The following PEX7 variants were observed in gnomAD, a reference collection of about 807,000 sequenced individuals.
PEX7 encodes peroxisomal biogenesis factor 7.
A neutral mutation model predicts 47.5 loss-of-function variants in PEX7; 34 were observed. The ratio of observed to expected loss-of-function variants is 0.72; its 90% CI spans 0.54 to 0.95. The LOEUF is 0.95. PEX7 is among the 40% of genes least tolerant of loss of function. The pLI is 0.00. For synonymous variants in PEX7, 141 were observed against 148.8 expected, an observed-to-expected ratio of 0.95 and a Z score of 0.38; for missense variants, 394 against 400.3, an observed-to-expected ratio of 0.98 and a Z score of 0.13.
At chr6:136,843,192 T>C (rs1202100702) in intron 3 of PEX7, among the ~76,000 whole-genome samples, 1 of 152,214 alleles carries the variant, frequency 6.6e-6, no homozygotes, top group African/African-American at 2.4e-5. Context: ...CTTACTAGCT[T>C]TGGGACTCTG....
chr6:136,866,716 T>C lies in PEX7; in HGVS notation c.616T>C (p.Trp206Arg), dbSNP rs1421814360. The change falls in exon 6 of 10, where the codon TGG becomes CGG. Residue 206 changes from tryptophan (W) to arginine (R), a missense_variant. Transcript: ENST00000318471. ...AHQAEILSCD[W>R]CKYNENLLVT... is the part of the protein sequence containing the mutation. ...TCAGGCAGAAATCTTGAGTTGTGAC[T>C]GGTGTAAATACAATGAGGTATAGTG... 5 of 1,613,636 alleles carry C rather than the reference T, an allele frequency of 3.1e-6. No individual in the cohort carries two copies. Among genetic ancestry groups the C allele is most frequent in the Non-Finnish European group, 4.2e-6 (5 of 1,179,694 alleles).
chr6:136,864,264 GTTA>G (rs376092543), intron 5 of PEX7, among the ~76,000 whole-genome samples: 7 of 151,904 alleles, frequency 4.6e-5, no homozygotes, highest in African/African-American at 7.2e-5. Context: ...TATTCATGTT[GTTA>G]TTATTGGGGG....
chr6:136,875,736 T>C (rs1314568231), intron 8 of PEX7, among the ~76,000 whole-genome samples: 4 of 152,180 alleles, frequency 2.6e-5, no homozygotes, highest in Non-Finnish European at 4.4e-5. Flanking sequence ...CTGAGAATGG[T>C]ATGTTACTGA....
chr6:136,846,678 C>A (rs878864013), intron 5 of PEX7, among the ~76,000 whole-genome samples: 1 of 152,064 alleles, frequency 6.6e-6, no homozygotes, highest in Non-Finnish European at 1.5e-5. Flanking sequence ...TGAACTCATC[C>A]TTTTTTATGG....
At chr6:136,905,940 A>C (rs1389114186) in intron 9 of PEX7, among the ~76,000 whole-genome samples, 18 of 152,156 alleles carry the variant, frequency 1.2e-4, no homozygotes. Flanking sequence ...TGAGTTAATG[A>C]GTTATTTCTC....
intron 3 of PEX7, among the ~76,000 whole-genome samples, chr6:136,841,975 G>C (rs2115163727): frequency 6.7e-6 from 1 of 148,828 alleles, no homozygotes; most frequent in South Asian, 2.1e-4. Context: ...TTTAAACATA[G>C]TATTGAGTTG....
At chr6:136,866,830 C>T (rs1249425577) in intron 6 of PEX7, 97 bp downstream of exon 6, 7 of 1,012,690 alleles carry the variant, frequency 6.9e-6, no homozygotes, top group Admixed American at 2.0e-5. Context: ...TGGTGGTGTT[C>T]CTGGACCATT....
rs190019858 is a variant in PEX7, at chr6:136,824,598, C to T, written c.131-616C>T. 2.3e-4 allele frequency among the ~76,000 whole-genome samples: 35 copies of T among 152,218 alleles called. 1 individual carries two copies. Among genetic ancestry groups the T allele is most frequent in the Non-Finnish European group, 1.8e-4 (12 of 68,008 alleles). On this transcript the variant is annotated intron_variant, in intron 1 of 9. Coordinates refer to ENST00000318471, the MANE Select transcript of PEX7 (RefSeq NM_000288.4). ...CATGTTTAAATAGAAGAGATTTTCC[C>T]CCTTGGTCTCTATAAAAAGTAAACA...
intron 6 of PEX7, 23 bp downstream of exon 6, chr6:136,866,756 A>G (rs371533015): frequency 1.1e-4 from 173 of 1,557,954 alleles, no homozygotes; most frequent in Non-Finnish European, 1.4e-4. Context: ...GCTCTATCCT[A>G]TGCTGCTGTC....
intron 6 of PEX7, 94 bp downstream of exon 6, chr6:136,866,827 G>A: frequency 1.9e-6 from 2 of 1,044,204 alleles, no homozygotes; most frequent in East Asian, 2.6e-5. Flanking sequence ...CTTTGGTGGT[G>A]TTCCTGGACC....
At chr6:136,828,686 C>A (rs894735029) in intron 3 of PEX7, among the ~76,000 whole-genome samples, 1 of 152,196 alleles carries the variant, frequency 6.6e-6, no homozygotes, top group Non-Finnish European at 1.5e-5. Flanking sequence ...CCCCTTTCAA[C>A]ATATACCTAA....
intron 9 of PEX7, among the ~76,000 whole-genome samples, chr6:136,910,481 A>C (rs565691265): frequency 6.6e-6 from 1 of 152,368 alleles, no homozygotes; most frequent in East Asian, 1.9e-4. Flanking sequence ...GCGAAGAGGC[A>C]TAAGCAGCAT....
intron 7 of PEX7, among the ~76,000 whole-genome samples, chr6:136,871,835 A>C (rs1775186980): frequency 1.3e-5 from 2 of 152,210 alleles, no homozygotes; most frequent in African/African-American, 4.8e-5. Context: ...TGCTGGGATT[A>C]CAGGTGTGAG....
intron 5 of PEX7, among the ~76,000 whole-genome samples, chr6:136,866,364 G>A (rs1775072174): frequency 6.6e-6 from 1 of 152,082 alleles, no homozygotes; most frequent in Non-Finnish European, 1.5e-5. Context: ...CACCAGCTGT[G>A]TGTTTAGTCA....
At chr6:136,891,908 G>A (rs1775562291) in intron 8 of PEX7, among the ~76,000 whole-genome samples, 1 of 152,202 alleles carries the variant, frequency 6.6e-6, no homozygotes, top group African/African-American at 2.4e-5. Flanking sequence ...CCCTTGCAAA[G>A]TGCTACCGGG....
intron 9 of PEX7, among the ~76,000 whole-genome samples, chr6:136,912,207 G>A (rs554705369): frequency 6.6e-6 from 1 of 152,140 alleles, no homozygotes; most frequent in Non-Finnish European, 1.5e-5. Context: ...TTTCTTAACA[G>A]TGTCTTTTGA....
intron 5 of PEX7, among the ~76,000 whole-genome samples, chr6:136,862,339 A>C (rs1774982204): frequency 6.6e-6 from 1 of 151,652 alleles, no homozygotes; most frequent in South Asian, 2.1e-4. Context: ...TAGCCTCCCA[A>C]AGTGCTAGGA....
chr6:136,854,377 G>GGGT (rs772223670), intron 5 of PEX7, among the ~76,000 whole-genome samples: 5 of 152,100 alleles, frequency 3.3e-5, no homozygotes, highest in Admixed American at 1.3e-4. Context: ...AGTAGAGACA[G>GGGT]GGTTTCACCA....
chr6:136,881,807 C>T (rs1330732053), intron 8 of PEX7, among the ~76,000 whole-genome samples: 1 of 152,148 alleles, frequency 6.6e-6, no homozygotes, highest in Non-Finnish European at 1.5e-5. Flanking sequence ...CTGTTAAATG[C>T]TGAGTCCTGA....
Sources: allele counts gnomAD v4.1 joint callset (sites outside exome capture counted in the v4.1 genomes callset), GRCh38; gene constraint gnomAD v4.1.1; transcripts MANE v1.5; gene names NCBI Gene and HGNC (gene_info 2026-07-23, HGNC 2026-07-21).